PLXDC2: variants seen among roughly 807,000 people sequenced by gnomAD.
PLXDC2 encodes the protein plexin domain-containing protein 2.
Under a neutral mutation model 68.9 loss-of-function variants are expected in PLXDC2, and 40 were observed. The ratio of observed to expected loss-of-function variants is 0.58; its 90% CI spans 0.45 to 0.76. The LOEUF is 0.76. Ranked by LOEUF, PLXDC2 falls within the 30% of genes least tolerant of loss-of-function variation. PLXDC2 has a pLI of 0.00. For synonymous variants in PLXDC2, 243 were observed against 234.2 expected, an observed-to-expected ratio of 1.04 and a Z score of -0.34; for missense variants, 644 against 661.9, an observed-to-expected ratio of 0.97 and a Z score of 0.30.
At chr10:19,833,857 A>G (rs554323823) in intron 1 of PLXDC2, among the ~76,000 whole-genome samples, 184 of 152,316 alleles carry the variant, frequency 1.2e-3, no homozygotes, top group South Asian at 8.1e-3. Context: ...GCATCAATGA[A>G]TAGAAGATAA....
intron 9 of PLXDC2, among the ~76,000 whole-genome samples, chr10:20,183,413 C>T (rs1317264933): frequency 6.6e-6 from 1 of 151,870 alleles, no homozygotes; most frequent in African/African-American, 2.4e-5. Context: ...CATTTACATA[C>T]AGGTATGTTT....
At chr10:19,897,475 C>G (rs935491110) in intron 1 of PLXDC2, among the ~76,000 whole-genome samples, 1 of 152,008 alleles carries the variant, frequency 6.6e-6, no homozygotes, top group African/African-American at 2.4e-5. Flanking sequence ...GAACTCCCAA[C>G]CTCAGGTGAT....
intron 4 of PLXDC2, among the ~76,000 whole-genome samples, chr10:20,092,614 G>C (rs926834441): frequency 1.3e-5 from 2 of 152,052 alleles, no homozygotes; most frequent in Non-Finnish European, 2.9e-5. Context: ...TCTGTAGAAG[G>C]TTGAATAATA....
chr10:20,145,253 T>C (rs1292543487), intron 5 of PLXDC2, among the ~76,000 whole-genome samples: 2 of 152,236 alleles, frequency 1.3e-5, no homozygotes, highest in African/African-American at 4.8e-5. Context: ...TATTGAGGAA[T>C]ATTGAGTTCA....
At chr10:19,953,021 C>T (rs537020942) in intron 1 of PLXDC2, among the ~76,000 whole-genome samples, 2 of 152,200 alleles carry the variant, frequency 1.3e-5, no homozygotes, top group East Asian at 1.9e-4. Flanking sequence ...TGTGCCACCA[C>T]GCCCAGCTAA....
intron 12 of PLXDC2, among the ~76,000 whole-genome samples, chr10:20,243,786 C>G (rs1339527218): frequency 1.3e-5 from 2 of 152,086 alleles, no homozygotes; most frequent in Admixed American, 1.3e-4. Context: ...AGGCCGGGTG[C>G]AAAGGCTCAC....
chr10:20,143,754 A>G (rs571531452), intron 5 of PLXDC2, among the ~76,000 whole-genome samples: 2 of 152,244 alleles, frequency 1.3e-5, no homozygotes, highest in African/African-American at 2.4e-5. Context: ...TAATTTTGTT[A>G]GTTCTGATCT....
chr10:20,006,212 C>T (rs1351725606), intron 2 of PLXDC2, among the ~76,000 whole-genome samples: 1 of 151,934 alleles, frequency 6.6e-6, no homozygotes, highest in Non-Finnish European at 1.5e-5. Context: ...CATTTGTGAA[C>T]ACGGTTGCAT....
At chr10:20,188,109 T>G (rs1465895202) in intron 9 of PLXDC2, among the ~76,000 whole-genome samples, 1 of 151,654 alleles carries the variant, frequency 6.6e-6, no homozygotes, top group African/African-American at 2.4e-5. Context: ...TGTAAATAAA[T>G]GTGAATGTTA....
At chr10:20,055,058 C>G (rs1205084203) in intron 3 of PLXDC2, among the ~76,000 whole-genome samples, 2 of 152,040 alleles carry the variant, frequency 1.3e-5, no homozygotes, top group African/African-American at 4.8e-5. Flanking sequence ...ATATGAAACA[C>G]CAGCAAAATG....
At chr10:20,015,566 C>T (rs1362559383) in intron 2 of PLXDC2, among the ~76,000 whole-genome samples, 15 of 152,068 alleles carry the variant, frequency 9.9e-5, no homozygotes, top group Admixed American at 9.2e-4. Context: ...TAAACAGGTA[C>T]ATGGAAGACT....
Position 19,827,829 on chromosome 10 carries a change from G to A in PLXDC2, c.112+10638G>A, listed in dbSNP as rs543390389. On this transcript the variant is annotated intron_variant, in intron 1 of 13. Transcript: ENST00000377252. ...CCATTTTGGCCTCCCAAAGTGCTGG[G>A]ATTACAGACATGAGCCACCGCGCCC... 5.3e-5 allele frequency among the ~76,000 whole-genome samples: 8 copies of A among 152,206 alleles called. No individual in the cohort carries two copies. In the South Asian group the frequency reaches 1.7e-3, roughly 32 times the overall value.
chr10:20,001,998 G>A lies in PLXDC2; in HGVS notation c.324+12G>A. On this transcript the variant is annotated intron_variant, in intron 2 of 13. Coordinates refer to ENST00000377252, the MANE Select transcript of PLXDC2 (RefSeq NM_032812.9). ...ACACTCAGATCGAGGTAGATAAATA[G>A]TCTGGGTAATTGAAATGGATTAATG... The A allele has an allele frequency of 6.2e-7, 1 of 1,607,894 alleles. No homozygotes were observed.
chr10:20,134,670 G>T lies in PLXDC2; in HGVS notation c.542-8625G>T, dbSNP rs79803025. Among the ~76,000 whole-genome samples the T allele has an allele frequency of 1.5e-3, 232 of 152,244 alleles. 1 individual carries two copies. Among genetic ancestry groups the T allele is most frequent in the African/African-American group, 5.3e-3 (220 of 41,530 alleles). ...CAACCTGGCACAAGGGTTCACAGGC[G>T]CTTACGTGAAGCCTAGGTCTGTGAA... On this transcript the variant is annotated intron_variant, in intron 4 of 13. Transcript: ENST00000377252.
At chr10:19,820,415 A>G (rs1039707713) in intron 1 of PLXDC2, among the ~76,000 whole-genome samples, 4 of 149,898 alleles carry the variant, frequency 2.7e-5, no homozygotes, top group African/African-American at 7.4e-5. Flanking sequence ...GTGGATCATG[A>G]GGTCAGGAGA....
chr10:20,251,091 C>T (rs1835669253), intron 13 of PLXDC2, among the ~76,000 whole-genome samples: 1 of 152,160 alleles, frequency 6.6e-6, no homozygotes, highest in African/African-American at 2.4e-5. Flanking sequence ...AGATTAGGTA[C>T]AAGAGTTCCA....
intron 1 of PLXDC2, among the ~76,000 whole-genome samples, chr10:19,926,018 CG>C (rs1833533391): frequency 6.6e-6 from 1 of 152,056 alleles, no homozygotes; most frequent in Non-Finnish European, 1.5e-5. Flanking sequence ...GCAGCAACCT[CG>C]GGGAGCTGAA....
chr10:19,895,224 G>A (rs1838038069), intron 1 of PLXDC2, among the ~76,000 whole-genome samples: 1 of 152,094 alleles, frequency 6.6e-6, no homozygotes, highest in Non-Finnish European at 1.5e-5. Context: ...GATGGGTCTG[G>A]AGGTGTCACA....
chr10:19,976,947 TTCC>T (rs1179213485), intron 1 of PLXDC2, among the ~76,000 whole-genome samples: 2 of 152,150 alleles, frequency 1.3e-5, no homozygotes, highest in East Asian at 1.9e-4. Flanking sequence ...TAGGAGTTAT[TTCC>T]TCCTATTTTT....
Sources: allele counts gnomAD v4.1 joint callset (sites outside exome capture counted in the v4.1 genomes callset), GRCh38; gene constraint gnomAD v4.1.1; transcripts MANE v1.5; gene names NCBI Gene and HGNC (gene_info 2026-07-23, HGNC 2026-07-21).